The following TET1 variants were observed in gnomAD, a reference collection of about 807,000 sequenced individuals.
TET1 encodes the protein tet methylcytosine dioxygenase 1.
In TET1, 13 loss-of-function variants were observed where a neutral mutation model predicts 148.7. The observed-to-expected ratio is 0.09, with a 90% CI of 0.06 to 0.14. The LOEUF is 0.14. Among genes scored for constraint, TET1 ranks in the 10% least tolerant of loss-of-function variants. TET1 has a pLI of 1.00. For synonymous variants in TET1, 907 were observed against 937.2 expected (o/e 0.97, Z 0.59); for missense variants, 2,182 against 2,553.8 (o/e 0.85, Z 3.14).
chr10:68,623,437 A>G (rs1000571715), intron 3 of TET1, among the ~76,000 whole-genome samples: 1 of 152,212 alleles, frequency 6.6e-6, no homozygotes, highest in African/African-American at 2.4e-5. Flanking sequence ...GTTTCGAGGT[A>G]GTTAGTTTCC....
At chr10:68,681,624 C>G in intron 9 of TET1, 136 bp downstream of exon 9, 1 of 538,386 alleles carries the variant, frequency 1.9e-6, no homozygotes, top group Admixed American at 3.5e-5. Flanking sequence ...CTGCCTCACC[C>G]TCCAAAAATG....
Position 68,691,961 on chromosome 10 carries a change from T to TG in TET1, c.*150dup. Reference sequence around the variant, plus strand: ...AAATAATAATGATAACAAAACGGGGTGGGTATTCTTAACTGTGACTATATT... The same window carrying TG: ...AAATAATAATGATAACAAAACGGGGTGGGGTATTCTTAACTGTGACTATATT... On this transcript the variant is annotated 3_prime_UTR_variant, in exon 12 of 12. Transcript: ENST00000373644. This position sits in a 1 kb window ranked among gnomAD's most constrained non-coding sequence, Gnocchi z 4.4. 2.1e-6 allele frequency: 2 copies of TG among 971,802 alleles called. No individual in the cohort carries two copies. Among genetic ancestry groups the TG allele is most frequent in the Non-Finnish European group, 3.0e-6 (2 of 671,766 alleles). The allele number at this position is 971,802 out of a possible 1,614,324, so 60.2% of individuals were successfully genotyped here.
At position 68,646,461 on chromosome 10, in the gene TET1, A is replaced by G; in HGVS notation, c.3732A>G (p.Leu1244=). ...TVFPPLTQIK[L]QRYPESAEEK... Reference sequence around the variant, plus strand: ...TTCCACCACTCACTCAGATAAAATTACAGAGATATCCTGAATCAGCAGAGG... The same window carrying G: ...TTCCACCACTCACTCAGATAAAATTGCAGAGATATCCTGAATCAGCAGAGG... Residue 1244 remains leucine, a synonymous_variant, in exon 4 of 12, where the codon TTA becomes TTG. Coordinates refer to ENST00000373644, the MANE Select transcript of TET1 (RefSeq NM_030625.3). The G allele has an allele frequency of 6.2e-7, 1 of 1,614,240 alleles. No individual in the cohort carries two copies. The highest frequency in any genetic ancestry group is 1.1e-5 in the South Asian group (1 of 91,088).
At position 68,691,179 on chromosome 10, in the gene TET1, C is replaced by G. The variant is rs867902572; in HGVS notation, c.5776C>G (p.Pro1926Ala). ...PVMEPLINSE[P>A]STGVTEPLTP... ...GATGGAGCCCCTCATTAATTCTGAG[C>G]CTTCCACTGGTGTGACTGAGCCGCT... The change falls in exon 12 of 12, where the codon CCT (proline) becomes GCT (alanine). Residue 1926 changes from proline (P) to alanine (A), a missense_variant. By Grantham distance (27) the Pro-to-Ala change is conservative. Around this residue, in one of 11 missense-constraint regions of TET1, gnomAD observed 380 missense variants for 387.9 expected, o/e 0.98. Coordinates refer to ENST00000373644, the MANE Select transcript of TET1 (RefSeq NM_030625.3). This position sits in a 1 kb window ranked among gnomAD's most constrained non-coding sequence, Gnocchi z 4.4. 5.0e-6 allele frequency: 8 copies of G among 1,614,172 alleles called. No individual in the cohort carries two copies. The highest frequency in any genetic ancestry group is 6.8e-6 in the Non-Finnish European group (8 of 1,180,032).
In TET1 at chr10:68,601,280, G is replaced by C. The variant is rs79211211; in HGVS notation, c.1968+246G>C. Among the ~76,000 whole-genome samples the C allele has an allele frequency of 1.1e-3, 170 of 152,270 alleles. 3 individuals are homozygous for C. The East Asian group carries it at 0.029, about 26-fold the overall frequency. ...AGAAAGAAAAGTTTGTATGCAGAGT[G>C]TTGTGAATAAAATTTGTTTTTCTTT... is the stretch of plus-strand genomic sequence containing the variant. On this transcript the variant is annotated intron_variant, in intron 3 of 11. Coordinates refer to ENST00000373644, the MANE Select transcript of TET1 (RefSeq NM_030625.3).
At position 68,572,531 on chromosome 10, in the gene TET1, A is replaced by G. The variant is rs758126390; in HGVS notation, c.193A>G (p.Lys65Glu). The G allele has an allele frequency of 6.2e-7, 1 of 1,613,876 alleles. No individual in the cohort carries two copies. Among genetic ancestry groups the G allele is most frequent in the South Asian group, 1.1e-5 (1 of 91,010 alleles). Reference protein sequence around the residue: ...ERDVKKKTEPKPPVPVRSLLT... With the variant: ...ERDVKKKTEPEPPVPVRSLLT... The stretch of plus-strand genomic sequence containing the variant: ...AGATGTTAAGAAAAAAACAGAACCT[A>G]AACCACCCGTGCCAGTCAGAAGCCT... The change falls in exon 2 of 12, where the codon AAA (lysine) becomes GAA (glutamate). Residue 65 changes from lysine (K) to glutamate (E), a missense_variant. Coordinates refer to ENST00000373644, the MANE Select transcript of TET1 (RefSeq NM_030625.3).
intron 6 of TET1, among the ~76,000 whole-genome samples, chr10:68,661,085 A>G (rs1037706492): frequency 6.6e-6 from 1 of 150,482 alleles, no homozygotes; most frequent in Non-Finnish European, 1.5e-5. Context: ...GCTGGAGTGC[A>G]GTGGTGCGAT....
intron 3 of TET1, among the ~76,000 whole-genome samples, chr10:68,624,846 C>CTCAG (rs71470536): frequency 0.16 from 23,780 of 150,914 alleles, 2,033 homozygotes; most frequent in South Asian, 0.24. Flanking sequence ...ATTCTCCTGA[C>CTCAG]TCAGCCTCCC....
intron 3 of TET1, among the ~76,000 whole-genome samples, chr10:68,630,580 G>A (rs780902920): frequency 3.9e-5 from 6 of 152,178 alleles, no homozygotes; most frequent in Non-Finnish European, 5.9e-5. Context: ...CTCCCAAAGC[G>A]CTGGGATTAC....
intron 6 of TET1, among the ~76,000 whole-genome samples, 159 bp downstream of exon 6, chr10:68,652,753 A>G (rs1483812236): frequency 6.6e-6 from 1 of 151,716 alleles, no homozygotes; most frequent in African/African-American, 2.4e-5. Context: ...CAGTGGTGCA[A>G]TCACACCTCA....
Position 68,574,018 on chromosome 10 carries a change from A to T in TET1, c.1680A>T (p.Thr560=). ...VTSTVHVVNT[T]VVTMPVPMVS... is the part of the protein sequence containing the mutation. ...GCACAGTTCATGTTGTCAACACCAC[A>T]GTGGTGACTATGCCAGTGCCAATGG... The change falls in exon 2 of 12, where the codon ACA becomes ACT. Residue 560 remains threonine (T), a synonymous_variant. Coordinates refer to ENST00000373644, the MANE Select transcript of TET1 (RefSeq NM_030625.3). 6.2e-7 allele frequency: 1 copy of T among 1,614,170 alleles called. No homozygotes were observed. Among genetic ancestry groups the T allele is most frequent in the Non-Finnish European group, 8.5e-7 (1 of 1,180,012 alleles).
Position 68,690,896 on chromosome 10 carries a change from T to A in TET1, c.5493T>A (p.Tyr1831Ter). The change falls in exon 12 of 12, where the codon TAT becomes TAA. Residue 1831 changes from tyrosine (Y) to a stop codon, truncating the protein, a stop_gained. Coordinates refer to ENST00000373644, the MANE Select transcript of TET1 (RefSeq NM_030625.3). LOFTEE classifies it low-confidence loss of function (END_TRUNC). ...AAAGTTCAGACAACACTAAAACTTA[T>A]TCGCTGATGCCATCCGCTCCTCACC... ...ILKSSDNTKT[Y>*]SLMPSAPHPV... is the part of the protein sequence containing the mutation. 6.2e-7 allele frequency: 1 copy of A among 1,614,262 alleles called. No individual in the cohort carries two copies. Among genetic ancestry groups the A allele is most frequent in the Non-Finnish European group, 8.5e-7 (1 of 1,180,058 alleles).
intron 1 of TET1, among the ~76,000 whole-genome samples, chr10:68,570,141 G>T (rs1008540019): frequency 2.7e-5 from 4 of 150,772 alleles, no homozygotes; most frequent in Non-Finnish European, 4.4e-5. Flanking sequence ...GTCTTGCTCT[G>T]TCACCCAGGC....
rs183510265 is a variant in TET1, at chr10:68,678,762, C to A, written c.4825-2637C>A. ...AGTGGGAGAAGGAGTTAATCTTGAC[C>A]ACCAATAGGTAAAGATCTGCTAAGT... is the stretch of plus-strand genomic sequence containing the variant. On this transcript the variant is annotated intron_variant, in intron 8 of 11. Coordinates refer to ENST00000373644, the MANE Select transcript of TET1 (RefSeq NM_030625.3). Among the ~76,000 whole-genome samples, 3 of 152,232 alleles carry A rather than the reference C, an allele frequency of 2.0e-5. No homozygotes were observed. The East Asian group carries it at 5.8e-4, about 29-fold the overall frequency.
At chr10:68,606,612 A>C (rs560480916) in intron 3 of TET1, among the ~76,000 whole-genome samples, 13 of 115,350 alleles carry the variant, frequency 1.1e-4, no homozygotes, top group East Asian at 5.7e-4. Context: ...AAAACAAAAA[A>C]AAAAACACAT....
In TET1 at chr10:68,689,604, C is replaced by T. The variant is rs191155909; in HGVS notation, c.5405-1204C>T. Among the ~76,000 whole-genome samples the T allele has an allele frequency of 2.8e-3, 419 of 151,976 alleles. 7 individuals carry two copies. The highest frequency in any genetic ancestry group is 9.4e-3 in the African/African-American group (390 of 41,458). ...CATCCTGGCCAACATGGTGAAACCC[C>T]GTCTCTACTAAAATACAAAAAATTA... is the stretch of plus-strand genomic sequence containing the variant. On this transcript the variant is annotated intron_variant, in intron 11 of 11. Transcript: ENST00000373644.
rs759926651 is a variant in TET1, at chr10:68,690,794, G to T, written c.5405-14G>T. On this transcript the variant is annotated splice_polypyrimidine_tract_variant and intron_variant, in intron 11 of 11. Coordinates refer to ENST00000373644, the MANE Select transcript of TET1 (RefSeq NM_030625.3). Reference sequence around the variant, plus strand: ...TAATTTGTATTTTTCTTCACATTTGGTGTCCTTGTTTAGGGAGTAACACTG... The same window carrying T: ...TAATTTGTATTTTTCTTCACATTTGTTGTCCTTGTTTAGGGAGTAACACTG... 4 of 1,553,984 alleles carry T rather than the reference G, an allele frequency of 2.6e-6. No homozygotes were observed. Among genetic ancestry groups the T allele is most frequent in the Admixed American group, 2.0e-5 (1 of 49,926 alleles).
intron 7 of TET1, among the ~76,000 whole-genome samples, chr10:68,670,195 G>T (rs1489681512): frequency 6.6e-6 from 1 of 152,054 alleles, no homozygotes; most frequent in African/African-American, 2.4e-5. Flanking sequence ...AAAATACTGT[G>T]ATCTCATCTT....
intron 4 of TET1, among the ~76,000 whole-genome samples, chr10:68,651,374 C>T (rs1015291840): frequency 3.9e-5 from 6 of 152,046 alleles, no homozygotes; most frequent in Middle Eastern, 3.4e-3. Flanking sequence ...TGGTGTGAAC[C>T]CGGGAGGCGG....
Sources: allele counts gnomAD v4.1 joint callset (sites outside exome capture counted in the v4.1 genomes callset), GRCh38; gene constraint gnomAD v4.1.1; regional missense constraint gnomAD v4.1.1; non-coding constraint Gnocchi (gnomAD v3.1); transcripts MANE v1.5; gene names NCBI Gene and HGNC (gene_info 2026-07-23, HGNC 2026-07-21).